The following YIF1B variants were observed in gnomAD, a reference collection of about 807,000 sequenced individuals.
YIF1B encodes the protein Yip1 interacting factor homolog B, membrane trafficking protein, also known as protein YIF1B.
In YIF1B, 24 loss-of-function variants were observed where a neutral mutation model predicts 34.6. The ratio of observed to expected loss-of-function variants is 0.69; its 90% CI spans 0.50 to 0.98. The LOEUF is 0.98. Among genes scored for constraint, YIF1B ranks in the 50% least tolerant of loss-of-function variants. YIF1B has a pLI of 0.00. For synonymous variants in YIF1B, 186 were observed against 184.8 expected, an observed-to-expected ratio of 1.01 and a Z score of -0.05; for missense variants, 368 against 429.4, an observed-to-expected ratio of 0.86 and a Z score of 1.26.
upstream of YIF1B, chr19:38,320,359 T>G: frequency 7.2e-7 from 1 of 1,389,652 alleles, no homozygotes; most frequent in Non-Finnish European, 9.9e-7. Context: ...CCCTCACGAA[T>G]ACCCTTATCC....
chr19:38,309,976 T>C (rs4804009), intron 1 of YIF1B: 225 of 102,754 alleles, frequency 2.2e-3, no homozygotes, highest in Non-Finnish European at 2.4e-3. Flanking sequence ...ATCCATCCAT[T>C]CATCCATCCA....
intron 1 of YIF1B, among the ~76,000 whole-genome samples, chr19:38,311,024 G>A (rs1479986097): frequency 6.6e-6 from 1 of 152,066 alleles, no homozygotes; most frequent in East Asian, 1.9e-4. Flanking sequence ...GTTCACAGCT[G>A]AGTCCCCAGC....
At position 38,309,625 on chromosome 19, in the gene YIF1B, G is replaced by A. The variant is rs1437610985; in HGVS notation, c.77C>T (p.Pro26Leu). ...LRKWPSKRRI[P>L]VSQPGMADPH... Reference sequence around the variant, plus strand: ...GTCGGCCATGCCCGGCTGGGACACAGGGATCCTCCGCTTCGAGGCTGCAAG... The same window carrying A: ...GTCGGCCATGCCCGGCTGGGACACAAGGATCCTCCGCTTCGAGGCTGCAAG... The change falls in exon 2 of 8, where the codon CCT (proline) becomes CTT (leucine). Residue 26 changes from proline to leucine, a missense_variant. Around this residue, in one of 3 missense-constraint regions of YIF1B, gnomAD observed 153 missense variants for 156.7 expected, o/e 0.98. Transcript: ENST00000339413. The A allele has an allele frequency of 3.1e-6, 5 of 1,600,156 alleles. No individual in the cohort carries two copies. The highest frequency in any genetic ancestry group is 2.3e-5 in the East Asian group (1 of 44,428).
At chr19:38,316,325 GT>G (rs1568362183), upstream of YIF1B, among the ~76,000 whole-genome samples, 1 of 151,130 alleles carries the variant, frequency 6.6e-6, no homozygotes, top group East Asian at 2.0e-4. Context: ...GAGCAACATA[GT>G]GACCCTCGCC....
chr19:38,304,018 C>A lies in YIF1B; in HGVS notation c.*1334G>T. ...CCCGAATGCCATCCACAGAGCCCCC[C>A]TCAGTCGGCCTCCCCTGAGGCACCA... On this transcript the variant is annotated 3_prime_UTR_variant, in exon 8 of 8. Transcript: ENST00000339413. 1.7e-6 allele frequency: 1 copy of A among 588,938 alleles called. No individual in the cohort carries two copies. Among genetic ancestry groups the A allele is most frequent in the Admixed American group, 3.1e-5 (1 of 32,088 alleles). The allele number at this position is 588,938 out of a possible 1,614,324, so 36.5% of individuals were successfully genotyped here. A position where few individuals can be genotyped will look rare whatever the true frequency, so the allele number is the denominator to read the frequency against.
rs754168026 is a variant in YIF1B, at chr19:38,308,958, AG to A, written c.481+20del. On this transcript the variant is annotated intron_variant, in intron 4 of 7. Transcript: ENST00000339413. ...AGGCCCGGAAGAGAGAGGAGGGTGC[AG>A]GGTAGGGGGAGGGTGAAACCTGGAA... The A allele has an allele frequency of 1.1e-5, 18 of 1,610,712 alleles. No individual in the cohort carries two copies. The highest frequency in any genetic ancestry group is 2.7e-5 in the African/African-American group (2 of 74,920).
intron 1 of YIF1B, chr19:38,309,856 ACATTCATCTATGCATC>A: frequency 7.1e-7 from 1 of 1,415,108 alleles, no homozygotes; most frequent in African/African-American, 1.5e-5. Context: ...ATCCACTGAT[ACATTCATCTATGCATC>A]CATTCATCTA....
intron 7 of YIF1B, chr19:38,307,187 G>C (rs1032934625): frequency 2.7e-5 from 15 of 560,106 alleles, no homozygotes; most frequent in African/African-American, 2.7e-4. Flanking sequence ...CCAGCCTGGA[G>C]CCTGTGTGCT....
upstream of YIF1B, chr19:38,316,037 C>A (rs967662678): frequency 2.3e-6 from 3 of 1,279,418 alleles, no homozygotes; most frequent in South Asian, 2.1e-5. Flanking sequence ...CTCGCCCCCA[C>A]CCCCCCGACC....
At chr19:38,306,148 G>A (rs1969018154) in intron 7 of YIF1B, among the ~76,000 whole-genome samples, 1 of 142,838 alleles carries the variant, frequency 7.0e-6, no homozygotes, top group African/African-American at 2.6e-5. Flanking sequence ...AGGTTGCAGT[G>A]AGCCAAGATC....
At chr19:38,319,181 C>G (rs1342686301), upstream of YIF1B, among the ~76,000 whole-genome samples, 1 of 152,054 alleles carries the variant, frequency 6.6e-6, no homozygotes, top group Non-Finnish European at 1.5e-5. Flanking sequence ...ACTGCAGCCT[C>G]GAACTCCTGG....
chr19:38,304,512 T>C lies in YIF1B; in HGVS notation c.*840A>G. On this transcript the variant is annotated 3_prime_UTR_variant, in exon 8 of 8. Transcript: ENST00000339413. ...AAAGGTAAGTCGCCTCATCACCGGC[T>C]GCGGAGGGGCGGGAAGGCTGGGGTT... The C allele has an allele frequency of 6.4e-7, 1 of 1,563,808 alleles. No homozygotes were observed. The highest frequency in any genetic ancestry group is 8.7e-7 in the Non-Finnish European group (1 of 1,154,252).
intron 1 of YIF1B, among the ~76,000 whole-genome samples, chr19:38,314,049 C>T (rs1410883813): frequency 2.0e-5 from 3 of 151,928 alleles, no homozygotes; most frequent in Non-Finnish European, 4.4e-5. Context: ...TTTCTTGAGG[C>T]GTTGTTTCGC....
In YIF1B at chr19:38,308,941, AAG is replaced by A. The variant is rs780453551; in HGVS notation, c.481+36_481+37del. The A allele has an allele frequency of 9.3e-6, 15 of 1,612,742 alleles. No individual in the cohort carries two copies. The East Asian group carries it at 1.6e-4, about 17-fold the overall frequency. On this transcript the variant is annotated intron_variant, in intron 4 of 7. Transcript: ENST00000339413. ...ACACACCCGCTCCATATAGGCCCGG[AAG>A]AGAGAGGAGGGTGCAGGGTAGGGGG...
Position 38,309,474 on chromosome 19 carries a change from C to T in YIF1B, c.228G>A (p.Pro76=), listed in dbSNP as rs149031198. ...CATAGGCCATGGCCATGTTGGACACCGGGTCAGCCAGGAAGGCTGCATGGG... is the reference window on the plus strand; with the variant it reads ...CATAGGCCATGGCCATGTTGGACACTGGGTCAGCCAGGAAGGCTGCATGGG... The part of the protein sequence containing the change: ...PTPHAAFLAD[P]VSNMAMAYGS... Residue 76 remains proline, a synonymous_variant, in exon 2 of 8, where the codon CCG becomes CCA. Transcript: ENST00000339413. The T allele has an allele frequency of 5.6e-5, 91 of 1,613,852 alleles. No homozygotes were observed. Among genetic ancestry groups the T allele is most frequent in the African/African-American group, 2.0e-4 (15 of 74,922 alleles).
chr19:38,320,308 C>G (rs754881115), upstream of YIF1B: 7 of 1,599,576 alleles, frequency 4.4e-6, no homozygotes, highest in African/African-American at 5.4e-5. Context: ...GGCGAGGACC[C>G]GGGATCCCCA....
chr19:38,310,589 C>T (rs140236745), intron 1 of YIF1B, among the ~76,000 whole-genome samples: 53 of 152,134 alleles, frequency 3.5e-4, no homozygotes, highest in African/African-American at 5.5e-4. Context: ...CTACTATGTG[C>T]GAGAGGAAGG....
At chr19:38,320,554 T>TC (rs984080910), upstream of YIF1B, among the ~76,000 whole-genome samples, 4 of 151,662 alleles carry the variant, frequency 2.6e-5, no homozygotes, top group African/African-American at 7.2e-5. Flanking sequence ...GTCTTTTTTT[T>TC]TTTTCTTTTC....
At chr19:38,305,813 G>A (rs768928460) in intron 7 of YIF1B, among the ~76,000 whole-genome samples, 18 of 152,242 alleles carry the variant, frequency 1.2e-4, no homozygotes, top group Non-Finnish European at 2.4e-4. Context: ...GGCCTGAGGG[G>A]GTGGGAGACG....
Sources: gnomAD v4.1 joint callset for allele counts (sites outside exome capture counted in the v4.1 genomes callset) on GRCh38, gnomAD v4.1.1 for gene constraint, gnomAD v4.1.1 regional missense constraint, MANE v1.5 for transcripts, NCBI Gene and HGNC (gene_info 2026-07-23, HGNC 2026-07-21) for gene names.